Variants in RXFP1 observed in about 807,000 individuals in gnomAD.
The protein encoded by RXFP1 is relaxin family peptide receptor 1.
Under a neutral mutation model 89.8 loss-of-function variants are expected in RXFP1, and 73 were observed. That is an observed-to-expected ratio of 0.81 (90% CI 0.67 to 0.99). RXFP1 has a LOEUF of 0.99. Ranked by LOEUF, RXFP1 falls within the 50% of genes least tolerant of loss-of-function variation. The probability of loss-of-function intolerance (pLI) is 0.00; values close to 1 mark genes in which losing one functional copy is unlikely to be tolerated. For missense variants in RXFP1, 793 were observed against 895.5 expected (o/e 0.89, Z 1.46); for synonymous variants, 277 against 305.5 (o/e 0.91, Z 0.97).
intron 15 of RXFP1, among the ~76,000 whole-genome samples, chr4:158,645,713 C>A (rs563268066): frequency 2.6e-5 from 4 of 152,128 alleles, no homozygotes; most frequent in African/African-American, 9.6e-5. Context: ...GAAACCAGTC[C>A]TCAGGATGTT....
At chr4:158,566,373 A>G (rs1037882629) in intron 1 of RXFP1, among the ~76,000 whole-genome samples, 1 of 27,550 alleles carries the variant, frequency 3.6e-5, no homozygotes, top group African/African-American at 7.4e-5. Flanking sequence ...ATTATCTCAA[A>G]ATTTTTTTTT....
At chr4:158,640,024 G>A (rs1287051722) in intron 14 of RXFP1, among the ~76,000 whole-genome samples, 5 of 152,200 alleles carry the variant, frequency 3.3e-5, no homozygotes, top group African/African-American at 1.2e-4. Flanking sequence ...CCAGAACTGT[G>A]AGAAATGAAC....
intron 1 of RXFP1, among the ~76,000 whole-genome samples, chr4:158,559,808 T>C (rs775845343): frequency 4.6e-5 from 7 of 152,248 alleles, no homozygotes; most frequent in Admixed American, 4.6e-4. Context: ...TACTTCTGAC[T>C]GTTGCACTGA....
In RXFP1 at chr4:158,527,564, A is replaced by AAAATATATATATATATATATAT. The variant is rs5741905; in HGVS notation, c.49+5540_49+5541insAATATATATATATATATATATA. Among the ~76,000 whole-genome samples the AAAATATATATATATATATATAT allele has an allele frequency of 9.3e-4, 91 of 98,300 alleles. 1 individual carries two copies. The highest frequency in any genetic ancestry group is 2.9e-3 in the African/African-American group (82 of 28,508). The allele number at this position is 98,300 out of a possible 152,430, so 64.5% of individuals were successfully genotyped here. A position where few individuals can be genotyped will look rare whatever the true frequency, so the allele number is the denominator to read the frequency against. On this transcript the variant is annotated intron_variant, in intron 1 of 17. Coordinates refer to ENST00000307765, the MANE Select transcript of RXFP1 (RefSeq NM_021634.4). Reference sequence around the variant, plus strand: ...ATCTCCCCCGCTCCAAAAAAAAAAAAATATATATATATATGTATATATATA... The same window carrying AAAATATATATATATATATATAT: ...ATCTCCCCCGCTCCAAAAAAAAAAAAAAATATATATATATATATATATATATATATATATATGTATATATATA...
At chr4:158,578,354 T>C (rs1042605198) in intron 2 of RXFP1, among the ~76,000 whole-genome samples, 2 of 152,194 alleles carry the variant, frequency 1.3e-5, no homozygotes, top group African/African-American at 4.8e-5. Context: ...GATGTGACAA[T>C]GACAAACCCA....
At position 158,551,062 on chromosome 4, in the gene RXFP1, C is replaced by CTGTTTTGGGTTGTGGGT. The variant is rs1444706643; in HGVS notation, c.50-21635_50-21634insGTTTTGGGTTGTGGGTT. ...TAAGTTTTAAAACTGGGTTGTGGAC[C>CTGTTTTGGGTTGTGGGT]TAAGTGTCCATCAACAGATGATGGA... On this transcript the variant is annotated intron_variant, in intron 1 of 17. Transcript: ENST00000307765. 3.4e-3 allele frequency among the ~76,000 whole-genome samples: 515 copies of CTGTTTTGGGTTGTGGGT among 151,718 alleles called. 1 individual carries two copies. Among genetic ancestry groups the CTGTTTTGGGTTGTGGGT allele is most frequent in the African/African-American group, 0.012 (488 of 41,366 alleles).
intron 10 of RXFP1, among the ~76,000 whole-genome samples, chr4:158,628,147 T>A (rs1042581922): frequency 6.6e-6 from 1 of 152,228 alleles, no homozygotes; most frequent in African/African-American, 2.4e-5. Context: ...TGTCAAGAGT[T>A]AAACAGACTG....
At chr4:158,539,323 G>T (rs974985883) in intron 1 of RXFP1, among the ~76,000 whole-genome samples, 6 of 152,206 alleles carry the variant, frequency 3.9e-5, no homozygotes, top group Admixed American at 3.9e-4. Flanking sequence ...ACACACCGGG[G>T]ACTATTGTGG....
intron 8 of RXFP1, among the ~76,000 whole-genome samples, chr4:158,613,981 A>G (rs190471585): frequency 1.5e-4 from 23 of 152,284 alleles, no homozygotes; most frequent in Admixed American, 7.8e-4. Flanking sequence ...CATGAAAACA[A>G]CATGAATCTC....
intron 1 of RXFP1, among the ~76,000 whole-genome samples, chr4:158,548,981 A>T (rs1749313234): frequency 6.6e-6 from 1 of 151,434 alleles, no homozygotes; most frequent in Non-Finnish European, 1.5e-5. Flanking sequence ...GTATTTCCTG[A>T]ATCTGAATGT....
rs1772802479 is a variant in RXFP1, at chr4:158,651,854, G to C, written c.2073G>C (p.Met691Ile). Residue 691 changes from methionine to isoleucine, a missense_variant, in exon 18 of 18, where the codon ATG becomes ATC. By Grantham distance (10) the Met-to-Ile change is conservative. Coordinates refer to ENST00000307765, the MANE Select transcript of RXFP1 (RefSeq NM_021634.4). ...TGACCACAAGACCATTTAAAGAAATGATTCATCGGTTTTGGTATAACTACA... is the reference window on the plus strand; with the variant it reads ...TGACCACAAGACCATTTAAAGAAATCATTCATCGGTTTTGGTATAACTACA... The part of the protein sequence containing the change: ...YTLTTRPFKE[M>I]IHRFWYNYRQ... The C allele has an allele frequency of 6.2e-7, 1 of 1,613,988 alleles. No individual in the cohort carries two copies. The highest frequency in any genetic ancestry group is 8.5e-7 in the Non-Finnish European group (1 of 1,180,008).
chr4:158,565,696 C>T (rs1214998118), intron 1 of RXFP1, among the ~76,000 whole-genome samples: 2 of 152,172 alleles, frequency 1.3e-5, no homozygotes, highest in Non-Finnish European at 2.9e-5. Context: ...TAATAATCAA[C>T]AGATTGTAAC....
chr4:158,587,964 T>C (rs1374577512), intron 2 of RXFP1, among the ~76,000 whole-genome samples: 1 of 152,114 alleles, frequency 6.6e-6, no homozygotes, highest in Non-Finnish European at 1.5e-5. Flanking sequence ...TATCTAAAGA[T>C]ATGAAACAAG....
chr4:158,547,673 G>A (rs1748853971), intron 1 of RXFP1, among the ~76,000 whole-genome samples: 1 of 152,062 alleles, frequency 6.6e-6, no homozygotes, highest in Non-Finnish European at 1.5e-5. Flanking sequence ...TGGTTTCAAA[G>A]AACATCTTTA....
intron 2 of RXFP1, among the ~76,000 whole-genome samples, chr4:158,580,236 C>G (rs1299257531): frequency 1.3e-5 from 2 of 152,098 alleles, no homozygotes; most frequent in Admixed American, 1.3e-4. Context: ...ACTATTGCCT[C>G]CGGGGTGTGT....
intron 1 of RXFP1, among the ~76,000 whole-genome samples, chr4:158,523,615 C>A (rs1039058431): frequency 6.6e-6 from 1 of 152,168 alleles, no homozygotes; most frequent in African/African-American, 2.4e-5. Flanking sequence ...TCTCATCCTT[C>A]CACGCCTTCC....
chr4:158,607,868 A>G, intron 5 of RXFP1, 104 bp from the exon 6 acceptor site: 1 of 693,220 alleles, frequency 1.4e-6, no homozygotes, highest in African/African-American at 1.8e-5. Flanking sequence ...GCACATTCAT[A>G]TTGCTATGCT....
At chr4:158,596,365 G>C (rs1760607414) in intron 3 of RXFP1, among the ~76,000 whole-genome samples, 2 of 150,736 alleles carry the variant, frequency 1.3e-5, no homozygotes, top group Non-Finnish European at 2.9e-5. Flanking sequence ...CCAGGTTCAA[G>C]TGATTCTTCT....
At chr4:158,640,954 ATGCTTTAG>A (rs1770263305) in intron 14 of RXFP1, among the ~76,000 whole-genome samples, 1 of 152,228 alleles carries the variant, frequency 6.6e-6, no homozygotes, top group Admixed American at 6.5e-5. Flanking sequence ...CTGTGATTAC[ATGCTTTAG>A]AAGCACTTTT....
Sources: allele counts gnomAD v4.1 joint callset (sites outside exome capture counted in the v4.1 genomes callset), GRCh38; gene constraint gnomAD v4.1.1; transcripts MANE v1.5; gene names NCBI Gene and HGNC (gene_info 2026-07-23, HGNC 2026-07-21).